The following ENTREP2 variants were observed in gnomAD, a reference collection of about 807,000 sequenced individuals.
ENTREP2 encodes the protein protein ENTREP2.
At chr15:29,223,948 T>C in the ENTREP2 span, among the ~76,000 whole-genome samples, 1 of 152,180 alleles carries the variant, frequency 6.6e-6, no homozygotes, top group Non-Finnish European at 1.5e-5. Flanking sequence ...CGCCCAGCTC[T>C]GCCTGTGAAC....
At chr15:29,379,127 G>GTGCC in the ENTREP2 span, among the ~76,000 whole-genome samples, 1 of 152,262 alleles carries the variant, frequency 6.6e-6, no homozygotes, top group African/African-American at 2.4e-5. Context: ...CAGAGAGGCA[G>GTGCC]TGCCTGCCAC....
At chr15:29,171,896 T>C in the ENTREP2 span, among the ~76,000 whole-genome samples, 1 of 152,216 alleles carries the variant, frequency 6.6e-6, no homozygotes, top group East Asian at 1.9e-4. Context: ...TCATCTATAA[T>C]CCTGAACGGT....
At chr15:29,226,940 G>C in the ENTREP2 span, among the ~76,000 whole-genome samples, 1 of 152,192 alleles carries the variant, frequency 6.6e-6, no homozygotes, top group Non-Finnish European at 1.5e-5. Context: ...ACAGAATCAT[G>C]AAACGCTTAA....
At chr15:29,277,774 C>T in the ENTREP2 span, among the ~76,000 whole-genome samples, 1 of 152,156 alleles carries the variant, frequency 6.6e-6, no homozygotes, top group Admixed American at 6.5e-5. Context: ...AGAGCACTTC[C>T]CCACTTGCTA....
the ENTREP2 span, among the ~76,000 whole-genome samples, chr15:29,314,496 G>A: frequency 6.6e-6 from 1 of 152,178 alleles, no homozygotes; most frequent in Non-Finnish European, 1.5e-5. Flanking sequence ...TCAGATGACT[G>A]TTAGCATTTT....
chr15:29,229,158 C>T, the ENTREP2 span, among the ~76,000 whole-genome samples: 3 of 151,860 alleles, frequency 2.0e-5, no homozygotes, highest in African/African-American at 7.3e-5. Context: ...TTTAGTGTTT[C>T]GTTAAAAGTA....
At chr15:29,576,884 T>G in the ENTREP2 span, among the ~76,000 whole-genome samples, 1 of 152,170 alleles carries the variant, frequency 6.6e-6, no homozygotes, top group African/African-American at 2.4e-5. Flanking sequence ...CTCGGCTCAC[T>G]GCAAGCTCCG....
chr15:29,458,083 T>C, the ENTREP2 span, among the ~76,000 whole-genome samples: 3 of 152,168 alleles, frequency 2.0e-5, no homozygotes, highest in South Asian at 2.1e-4. Context: ...AGAAGTCTTA[T>C]GATCTGCTCT....
chr15:29,195,287 T>A, the ENTREP2 span: 1 of 985,090 alleles, frequency 1.0e-6, no homozygotes, highest in Non-Finnish European at 1.2e-6. Context: ...AGCCGCATCC[T>A]CTCTCTCTGT....
chr15:29,429,605 T>A, the ENTREP2 span, among the ~76,000 whole-genome samples: 1 of 152,224 alleles, frequency 6.6e-6, no homozygotes, highest in Non-Finnish European at 1.5e-5. Context: ...ATGTAACCCA[T>A]TAAAAACATC....
chr15:29,669,835 G>T, the ENTREP2 span, among the ~76,000 whole-genome samples: 31,178 of 152,046 alleles, frequency 0.21, 5,339 homozygotes, highest in African/African-American at 0.47. Context: ...ATGTCATCCC[G>T]GTCCCTATTA....
At chr15:29,644,590 C>A in the ENTREP2 span, among the ~76,000 whole-genome samples, 1 of 151,938 alleles carries the variant, frequency 6.6e-6, no homozygotes, top group East Asian at 1.9e-4. Context: ...ATTGCCTGAG[C>A]TCAGGAGTTT....
chr15:29,519,401 G>A, the ENTREP2 span, among the ~76,000 whole-genome samples: 1 of 151,040 alleles, frequency 6.6e-6, no homozygotes, highest in South Asian at 2.1e-4. Context: ...CTGCCACCCC[G>A]AGATAGCAAG....
chr15:29,397,035 T>G, the ENTREP2 span, among the ~76,000 whole-genome samples: 3 of 152,030 alleles, frequency 2.0e-5, no homozygotes, highest in Admixed American at 6.6e-5. Context: ...TAAATGTAAA[T>G]AATTAACCAC....
chr15:29,498,969 C>T, the ENTREP2 span, among the ~76,000 whole-genome samples: 1 of 152,106 alleles, frequency 6.6e-6, no homozygotes, highest in Admixed American at 6.5e-5. Context: ...ATAGCTACCC[C>T]TGCTCTCTTT....
the ENTREP2 span, chr15:29,124,759 C>G: frequency 3.2e-6 from 5 of 1,550,400 alleles, no homozygotes; most frequent in East Asian, 7.3e-5. Flanking sequence ...GAAGAGGCAT[C>G]GCCTTAACCA....
the ENTREP2 span, among the ~76,000 whole-genome samples, chr15:29,510,195 T>G: frequency 6.6e-6 from 1 of 152,218 alleles, no homozygotes; most frequent in Non-Finnish European, 1.5e-5. Context: ...AGAACCACGA[T>G]GAGATGCCAT....
At chr15:29,538,222 G>A in the ENTREP2 span, among the ~76,000 whole-genome samples, 12 of 152,080 alleles carry the variant, frequency 7.9e-5, no homozygotes, top group Non-Finnish European at 1.8e-4. Context: ...GCATGTGGTT[G>A]GTTAGGTCAC....
chr15:29,173,908 T>C, the ENTREP2 span, among the ~76,000 whole-genome samples: 1 of 148,320 alleles, frequency 6.7e-6, no homozygotes, highest in East Asian at 2.0e-4. Context: ...CAATTGATTG[T>C]AACTATCTGT....
Sources: allele counts gnomAD v4.1 joint callset (sites outside exome capture counted in the v4.1 genomes callset), GRCh38; gene constraint gnomAD v4.1.1; transcripts MANE v1.5; gene names NCBI Gene and HGNC (gene_info 2026-07-23, HGNC 2026-07-21).